Variants in PACRG observed in about 807,000 individuals in gnomAD.
PACRG encodes parkin coregulated gene protein.
In PACRG, 29 loss-of-function variants were observed where a neutral mutation model predicts 29.7. The ratio of observed to expected loss-of-function variants is 0.98; its 90% confidence interval spans 0.73 to 1.33. The LOEUF (loss-of-function observed/expected upper bound fraction) is 1.33, where lower values mean the gene tolerates loss of function less well. Ranked by LOEUF, PACRG falls within the 40% of genes most tolerant of loss-of-function variation. The pLI is 0.00. For synonymous variants in PACRG, 116 were observed against 118.7 expected, an observed-to-expected ratio of 0.98 and a Z score of 0.15; for missense variants, 279 against 316.2, an observed-to-expected ratio of 0.88 and a Z score of 0.89.
chr6:163,010,868 T>C (rs576417388), intron 2 of PACRG, among the ~76,000 whole-genome samples: 15 of 152,280 alleles, frequency 9.9e-5, no homozygotes, highest in South Asian at 8.3e-4. Context: ...GGCTGTGCAG[T>C]GACTGAGCGC....
rs144575496 is a variant in PACRG, at chr6:162,773,432, G to A, written c.157-40715G>A. On this transcript the variant is annotated intron_variant, in intron 1 of 4. Transcript: ENST00000366888. Reference sequence around the variant, plus strand: ...TATTAATAATACTAGATAATTTCTGGTTAGTATTTACATCATGGAAGAAAA... The same window carrying A: ...TATTAATAATACTAGATAATTTCTGATTAGTATTTACATCATGGAAGAAAA... 1.5e-3 allele frequency among the ~76,000 whole-genome samples: 227 copies of A among 148,384 alleles called. 5 individuals carry two copies. The East Asian group carries it at 0.04, about 26-fold the overall frequency.
chr6:163,306,293 C>T (rs940977303), intron 4 of PACRG, among the ~76,000 whole-genome samples: 2 of 152,038 alleles, frequency 1.3e-5, no homozygotes, highest in African/African-American at 2.4e-5. Flanking sequence ...CACTCTGTTC[C>T]CCGAATCATG....
At chr6:163,139,164 C>T (rs533230512) in intron 4 of PACRG, among the ~76,000 whole-genome samples, 17 of 152,370 alleles carry the variant, frequency 1.1e-4, no homozygotes, top group African/African-American at 3.8e-4. Flanking sequence ...CCTGGCCTCC[C>T]CCAGCTTCCA....
chr6:162,832,908 A>G (rs182702215), intron 2 of PACRG, among the ~76,000 whole-genome samples: 322 of 152,078 alleles, frequency 2.1e-3, no homozygotes, highest in African/African-American at 7.4e-3. Context: ...AACAAAACCA[A>G]TGATTTGCAA....
At chr6:162,996,886 A>C (rs1804114136) in intron 2 of PACRG, among the ~76,000 whole-genome samples, 1 of 152,124 alleles carries the variant, frequency 6.6e-6, no homozygotes, top group African/African-American at 2.4e-5. Flanking sequence ...CTAAGTAATC[A>C]GGGTTAAAAT....
intron 2 of PACRG, among the ~76,000 whole-genome samples, chr6:163,031,770 A>G (rs1853486): frequency 0.4 from 60,823 of 151,946 alleles, 13,816 homozygotes; most frequent in East Asian, 0.68. Context: ...AGTTGGGTAA[A>G]TTCCTTTTTC....
At position 163,196,924 on chromosome 6, in the gene PACRG, CAGATAGATAGAT is replaced by C. The variant is rs10559182; in HGVS notation, c.613+107552_613+107563del. 2.1e-3 allele frequency among the ~76,000 whole-genome samples: 308 copies of C among 145,078 alleles called. 3 individuals are homozygous for C. Among genetic ancestry groups the C allele is most frequent in the African/African-American group, 6.0e-3 (219 of 36,738 alleles). On this transcript the variant is annotated intron_variant, in intron 4 of 4. Transcript: ENST00000366888. The stretch of plus-strand genomic sequence containing the variant: ...AGACAGACTAGACAGACAGACTAGA[CAGATAGATAGAT>C]AGATAGATAGATAGATAGATAGATA...
At chr6:163,087,746 G>A (rs2128299086) in intron 3 of PACRG, among the ~76,000 whole-genome samples, 1 of 143,552 alleles carries the variant, frequency 7.0e-6, no homozygotes, top group African/African-American at 2.6e-5. Context: ...GATAGAGACT[G>A]ACACTGGAGG....
At chr6:163,011,761 T>C (rs191753015) in intron 2 of PACRG, among the ~76,000 whole-genome samples, 39 of 152,346 alleles carry the variant, frequency 2.6e-4, no homozygotes, top group Middle Eastern at 3.4e-3. Context: ...ATTTTTTCTT[T>C]ACATCCTTAT....
At chr6:163,299,620 C>G (rs1466160568) in intron 4 of PACRG, among the ~76,000 whole-genome samples, 1 of 152,208 alleles carries the variant, frequency 6.6e-6, no homozygotes, top group Non-Finnish European at 1.5e-5. Flanking sequence ...GGTGCTCGTG[C>G]CTGTAATCCC....
chr6:163,155,005 A>G (rs1426861468), intron 4 of PACRG, among the ~76,000 whole-genome samples: 4 of 152,010 alleles, frequency 2.6e-5, no homozygotes, highest in South Asian at 2.1e-4. Flanking sequence ...ACAATGCAAC[A>G]TGACTTATCC....
chr6:163,032,735 T>C (rs999172101), intron 2 of PACRG, among the ~76,000 whole-genome samples: 2 of 152,242 alleles, frequency 1.3e-5, no homozygotes, highest in Non-Finnish European at 2.9e-5. Context: ...CAAATGTCAC[T>C]GTTGCATTAG....
At chr6:163,251,903 T>A (rs1011423604) in intron 4 of PACRG, among the ~76,000 whole-genome samples, 2 of 152,210 alleles carry the variant, frequency 1.3e-5, no homozygotes, top group Non-Finnish European at 2.9e-5. Flanking sequence ...GCTTAACCTT[T>A]CCATGGTTCT....
intron 4 of PACRG, among the ~76,000 whole-genome samples, chr6:163,269,961 A>AAACAAAC (rs1441485468): frequency 1.3e-5 from 1 of 79,420 alleles, no homozygotes; most frequent in African/African-American, 6.2e-5. Context: ...GAAAGAAAGA[A>AAACAAAC]AGAAAGAAAG....
chr6:162,780,931 A>G (rs1218982395), intron 1 of PACRG, among the ~76,000 whole-genome samples: 1 of 152,092 alleles, frequency 6.6e-6, no homozygotes, highest in African/African-American at 2.4e-5. Context: ...TATACATGTA[A>G]TTCAAGTCAC....
In PACRG at chr6:162,773,493, C is replaced by CTTTTTTTTTTTT. The variant is rs1562582605; in HGVS notation, c.157-40654_157-40653insTTTTTTTTTTTT. On this transcript the variant is annotated intron_variant, in intron 1 of 4. Transcript: ENST00000366888. ...GATATTTGGTATTTTTACAGCTTGT[C>CTTTTTTTTTTTT]ATTTTTTTTTTTTTTTTTTTTTTTT... is the stretch of plus-strand genomic sequence containing the variant. Among the ~76,000 whole-genome samples, 49 of 82,728 alleles carry CTTTTTTTTTTTT rather than the reference C, an allele frequency of 5.9e-4. 4 individuals are homozygous for CTTTTTTTTTTTT. Among genetic ancestry groups the CTTTTTTTTTTTT allele is most frequent in the African/African-American group, 2.1e-3 (44 of 21,000 alleles). The allele number at this position is 82,728 out of a possible 152,430, so 54.3% of individuals were successfully genotyped here. A position where few individuals can be genotyped will look rare whatever the true frequency, so the allele number is the denominator to read the frequency against.
chr6:163,034,622 G>A (rs1289532006), intron 2 of PACRG, among the ~76,000 whole-genome samples: 1 of 152,090 alleles, frequency 6.6e-6, no homozygotes, highest in Non-Finnish European at 1.5e-5. Flanking sequence ...CTTACCTGAA[G>A]GCCGCCAATC....
At chr6:163,058,538 C>T (rs1433742474) in intron 2 of PACRG, among the ~76,000 whole-genome samples, 3 of 151,808 alleles carry the variant, frequency 2.0e-5, no homozygotes, top group African/African-American at 7.3e-5. Flanking sequence ...TTTGGGAGGC[C>T]GAGGTGGGTG....
chr6:162,946,841 T>C (rs1799046464), intron 2 of PACRG, among the ~76,000 whole-genome samples: 2 of 152,118 alleles, frequency 1.3e-5, no homozygotes, highest in Admixed American at 6.6e-5. Context: ...TCAATAAACA[T>C]GATACATCAA....
Sources: allele counts gnomAD v4.1 joint callset (sites outside exome capture counted in the v4.1 genomes callset), GRCh38; gene constraint gnomAD v4.1.1; transcripts MANE v1.5; gene names NCBI Gene and HGNC (gene_info 2026-07-23, HGNC 2026-07-21).